IGF1R: variants seen among roughly 807,000 people sequenced by gnomAD.
IGF1R encodes the protein insulin like growth factor 1 receptor, also known as insulin-like growth factor 1 receptor.
In IGF1R, 44 loss-of-function variants were observed where a neutral mutation model predicts 144.6. The ratio of observed to expected loss-of-function variants is 0.30; its 90% CI spans 0.24 to 0.39. IGF1R has a LOEUF of 0.39. IGF1R is among the 10% of genes least tolerant of loss of function. The pLI, the probability that IGF1R is intolerant of heterozygous loss-of-function variation, is 1.00. For synonymous variants in IGF1R, 795 were observed against 722.8 expected (o/e 1.10, Z -1.60); for missense variants, 1,355 against 1,833.7 (o/e 0.74, Z 4.77).
chr15:98,765,382 C>A (rs1369171013), intron 2 of IGF1R, among the ~76,000 whole-genome samples: 1 of 128,308 alleles, frequency 7.8e-6, no homozygotes, highest in African/African-American at 2.9e-5. Context: ...AGTCTTGGTT[C>A]ACTGCAACCT....
chr15:98,717,033 C>T (rs1187498789), intron 2 of IGF1R, among the ~76,000 whole-genome samples: 1 of 152,144 alleles, frequency 6.6e-6, no homozygotes, highest in Admixed American at 6.5e-5. Context: ...TACAGCTTTC[C>T]CCTGCTTGTT....
intron 2 of IGF1R, among the ~76,000 whole-genome samples, chr15:98,767,533 A>T (rs1427371359): frequency 6.6e-6 from 1 of 152,262 alleles, no homozygotes; most frequent in African/African-American, 2.4e-5. Context: ...CTTTAAAAAA[A>T]TGATGAAAGA....
At chr15:98,863,824 C>T (rs544653905) in intron 2 of IGF1R, among the ~76,000 whole-genome samples, 1 of 152,336 alleles carries the variant, frequency 6.6e-6, no homozygotes, top group South Asian at 2.1e-4. Context: ...GGAACTGACT[C>T]TGAAGCACAG....
chr15:98,788,932 A>G (rs951576556), intron 2 of IGF1R, among the ~76,000 whole-genome samples: 2 of 152,258 alleles, frequency 1.3e-5, no homozygotes, highest in Middle Eastern at 3.4e-3. Flanking sequence ...ATGAAAGCAA[A>G]TGAAGAATTT....
At position 98,877,489 on chromosome 15, in the gene IGF1R, CTTT is replaced by C. The variant is rs5814908; in HGVS notation, c.641-13814_641-13812del. Among the ~76,000 whole-genome samples the C allele has an allele frequency of 5.3e-3, 456 of 85,594 alleles. 1 individual carries two copies. The highest frequency in any genetic ancestry group is 8.9e-3 in the Middle Eastern group (1 of 112). The allele number at this position is 85,594 out of a possible 152,430, so 56.2% of individuals were successfully genotyped here. A position where few individuals can be genotyped will look rare whatever the true frequency, so the allele number is the denominator to read the frequency against. ...AAGAAAGAAAAATGGCACTAGCAGC[CTTT>C]TTTTTTTTTTTTTTTTTTTTTCCCC... On this transcript the variant is annotated intron_variant, in intron 2 of 20. Transcript: ENST00000650285.
chr15:98,854,129 C>T (rs1039327511), intron 2 of IGF1R, among the ~76,000 whole-genome samples: 1 of 152,180 alleles, frequency 6.6e-6, no homozygotes, highest in African/African-American at 2.4e-5. Flanking sequence ...GTGGTGACAG[C>T]AGGTTAAGGA....
rs532604539 is a variant in IGF1R, at chr15:98,891,712, G to C, written c.953+75G>C. On this transcript the variant is annotated intron_variant, in intron 3 of 20. Coordinates refer to ENST00000650285, the MANE Select transcript of IGF1R (RefSeq NM_000875.5). This position sits in a 1 kb window ranked among gnomAD's most constrained non-coding sequence, Gnocchi z 4.7. Reference sequence around the variant, plus strand: ...ACCCTAGCACACAAAGGTAGACTCTGTCGGTTGTTTCATCCGGGTGCAGCC... The same window carrying C: ...ACCCTAGCACACAAAGGTAGACTCTCTCGGTTGTTTCATCCGGGTGCAGCC... 6 of 1,459,786 alleles carry C rather than the reference G, an allele frequency of 4.1e-6. No individual in the cohort carries two copies. In the South Asian group the frequency reaches 7.1e-5, roughly 17 times the overall value. 90.4% of individuals were successfully genotyped at this position (1,459,786 alleles called of 1,614,324 possible).
intron 13 of IGF1R, 58 bp from the exon 14 acceptor site, chr15:98,929,495 AGAAAT>A (rs2015856304): frequency 6.3e-6 from 8 of 1,270,254 alleles, no homozygotes; most frequent in Middle Eastern, 1.8e-4. Context: ...CTGAATGTGA[AGAAAT>A]GAAATGAGCA....
chr15:98,958,424 C>T lies in IGF1R; in HGVS notation c.*982C>T, dbSNP rs564705839. ...CCAGCCCCAGCTCCCCCGCCCGCCC[C>T]CAAGGACACAGATGGGAAGGGGTTT... On this transcript the variant is annotated 3_prime_UTR_variant, in exon 21 of 21. Transcript: ENST00000650285. 1.3e-5 allele frequency: 3 copies of T among 229,980 alleles called. No homozygotes were observed. The highest frequency in any genetic ancestry group is 6.6e-5 in the African/African-American group (3 of 45,220). 14.2% of individuals were successfully genotyped at this position (229,980 alleles called of 1,614,324 possible).
At chr15:98,861,729 G>A (rs1193470189) in intron 2 of IGF1R, among the ~76,000 whole-genome samples, 1 of 152,212 alleles carries the variant, frequency 6.6e-6, no homozygotes, top group East Asian at 1.9e-4. Flanking sequence ...TTATGGGGAT[G>A]TAATCAGAGA....
At chr15:98,892,868 T>A (rs900549067) in intron 3 of IGF1R, among the ~76,000 whole-genome samples, 2 of 151,912 alleles carry the variant, frequency 1.3e-5, no homozygotes, top group Admixed American at 6.6e-5. Context: ...TAAAAAAAAA[T>A]TAGTTTGGCT....
intron 20 of IGF1R, among the ~76,000 whole-genome samples, chr15:98,951,709 C>G (rs1409371649): frequency 6.6e-6 from 1 of 152,216 alleles, no homozygotes; most frequent in Non-Finnish European, 1.5e-5. Flanking sequence ...TCGCCCTGTT[C>G]TACGTGGGCC....
intron 17 of IGF1R, among the ~76,000 whole-genome samples, chr15:98,937,888 A>G (rs1340304433): frequency 6.6e-6 from 1 of 152,238 alleles, no homozygotes; most frequent in African/African-American, 2.4e-5. Flanking sequence ...ACACGTATCT[A>G]AAGCCCTGAA....
intron 1 of IGF1R, among the ~76,000 whole-genome samples, chr15:98,674,954 A>T (rs774106525): frequency 2.1e-3 from 316 of 149,340 alleles, no homozygotes; most frequent in Non-Finnish European, 3.3e-3. Context: ...TATTCTATAA[A>T]TGCTAAATTT....
chr15:98,958,501 A>C lies in IGF1R; in HGVS notation c.*1059A>C, dbSNP rs899166991. 3 of 232,470 alleles carry C rather than the reference A, an allele frequency of 1.3e-5. No individual in the cohort carries two copies. Among genetic ancestry groups the C allele is most frequent in the African/African-American group, 6.6e-5 (3 of 45,278 alleles). 14.4% of individuals were successfully genotyped at this position (232,470 alleles called of 1,614,324 possible). A position where few individuals can be genotyped will look rare whatever the true frequency, so the allele number is the denominator to read the frequency against. On this transcript the variant is annotated 3_prime_UTR_variant, in exon 21 of 21. Transcript: ENST00000650285. The stretch of plus-strand genomic sequence containing the variant: ...CAGGTTTGCAAGGAAAGAAATTCAA[A>C]CACCACAACAGCAGTAAGAAGAAAA...
At chr15:98,851,465 T>C (rs2011525304) in intron 2 of IGF1R, among the ~76,000 whole-genome samples, 1 of 152,188 alleles carries the variant, frequency 6.6e-6, no homozygotes, top group African/African-American at 2.4e-5. Context: ...AGATCCCTCC[T>C]GTGTCCAGCC....
chr15:98,700,573 G>T (rs978050858), intron 1 of IGF1R, among the ~76,000 whole-genome samples: 1 of 152,168 alleles, frequency 6.6e-6, no homozygotes, highest in African/African-American at 2.4e-5. Context: ...CCTGATGCAT[G>T]TTGAGGACTT....
intron 2 of IGF1R, among the ~76,000 whole-genome samples, chr15:98,802,819 C>CT (rs1212532054): frequency 6.6e-6 from 1 of 152,140 alleles, no homozygotes; most frequent in Admixed American, 6.5e-5. Flanking sequence ...TTCTTAATTC[C>CT]TTTATCTTAC....
chr15:98,796,165 T>A (rs1440308271), intron 2 of IGF1R, among the ~76,000 whole-genome samples: 1 of 56,962 alleles, frequency 1.8e-5, no homozygotes, highest in Non-Finnish European at 6.1e-5. Context: ...GGGCCCAGCA[T>A]CGTGTGGGCA....
Sources: gnomAD v4.1 joint callset for allele counts (sites outside exome capture counted in the v4.1 genomes callset) on GRCh38, gnomAD v4.1.1 for gene constraint, Gnocchi (gnomAD v3.1) non-coding constraint, MANE v1.5 for transcripts, NCBI Gene and HGNC (gene_info 2026-07-23, HGNC 2026-07-21) for gene names.